AJAP1: variants seen among roughly 807,000 people sequenced by gnomAD.
AJAP1 encodes the protein adherens junction-associated protein 1.
In AJAP1, 5 loss-of-function variants were observed where a neutral mutation model predicts 35.0. The observed-to-expected ratio is 0.14, with a 90% CI of 0.07 to 0.30. The LOEUF (loss-of-function observed/expected upper bound fraction) is 0.30. Among genes scored for constraint, AJAP1 ranks in the 10% least tolerant of loss-of-function variants. The pLI is 1.00. For synonymous variants in AJAP1, 284 were observed against 249.3 expected (o/e 1.14, Z -1.31); for missense variants, 586 against 571.0 (o/e 1.03, Z -0.27).
intron 3 of AJAP1, among the ~76,000 whole-genome samples, chr1:4,771,593 C>T (rs1004520036): frequency 5.9e-5 from 9 of 152,276 alleles, no homozygotes; most frequent in African/African-American, 1.7e-4. Context: ...CTTGCTTCGT[C>T]GAGTCCCTGG....
intron 1 of AJAP1, among the ~76,000 whole-genome samples, chr1:4,671,461 C>T (rs925402099): frequency 2.9e-4 from 44 of 152,134 alleles, no homozygotes; most frequent in Non-Finnish European, 5.4e-4. Flanking sequence ...CTCCCTTTGT[C>T]CCCAGCCCAC....
At chr1:4,706,566 C>G (rs1309930892) in intron 1 of AJAP1, among the ~76,000 whole-genome samples, 1 of 152,162 alleles carries the variant, frequency 6.6e-6, no homozygotes, top group Non-Finnish European at 1.5e-5. Context: ...AAGGTCCTGT[C>G]CCACCCTGAA....
At chr1:4,744,686 A>G (rs413178) in intron 2 of AJAP1, among the ~76,000 whole-genome samples, 98,371 of 151,648 alleles carry the variant, frequency 0.65, 32,756 homozygotes, top group Non-Finnish European at 0.68. Context: ...CTCATGTCTC[A>G]CCATGTGCAC....
chr1:4,779,524 G>A (rs1642019825), intron 5 of AJAP1, among the ~76,000 whole-genome samples: 1 of 152,068 alleles, frequency 6.6e-6, no homozygotes, highest in South Asian at 2.1e-4. Context: ...ATGGTTGGAA[G>A]CTGCTCCTCC....
In AJAP1 at chr1:4,769,951, T is replaced by C. The variant is rs777590121; in HGVS notation, c.917+11T>C. 2 of 1,608,988 alleles carry C rather than the reference T, an allele frequency of 1.2e-6. No individual in the cohort carries two copies. Among genetic ancestry groups the C allele is most frequent in the Non-Finnish European group, 1.7e-6 (2 of 1,175,462 alleles). On this transcript the variant is annotated intron_variant, in intron 3 of 5. Transcript: ENST00000378191. ...TGTCTTAAAAAATTGGTAAGGCTCC[T>C]TGGGCCCTTCTGGCCCAGAAATGGG...
chr1:4,741,043 G>T (rs527383237), intron 2 of AJAP1, among the ~76,000 whole-genome samples: 1 of 152,158 alleles, frequency 6.6e-6, no homozygotes, highest in African/African-American at 2.4e-5. Flanking sequence ...AAGCCTGGGG[G>T]CCATGGCCAC....
At chr1:4,744,250 C>T (rs1193355311) in intron 2 of AJAP1, among the ~76,000 whole-genome samples, 1 of 152,202 alleles carries the variant, frequency 6.6e-6, no homozygotes. Flanking sequence ...GCAGCCGTTC[C>T]TGCTGTTCAG....
rs1410184559 is a variant in AJAP1 at position 4,785,004 on chromosome 1, G to A, written c.*2519G>A. 7 of 152,456 alleles carry A rather than the reference G, an allele frequency of 4.6e-5. No homozygotes were observed. The highest frequency in any genetic ancestry group is 1.7e-4 in the African/African-American group (7 of 41,456). The allele number at this position is 152,456 out of a possible 1,614,324, so 9.4% of individuals were successfully genotyped here. A position where few individuals can be genotyped will look rare whatever the true frequency, so the allele number is the denominator to read the frequency against. The stretch of plus-strand genomic sequence containing the variant: ...GGTCTCTGACATTCTGAGCTCCAGA[G>A]TGAGCCCAACTAAGGAGGAGGTGAC... On this transcript the variant is annotated 3_prime_UTR_variant, in exon 6 of 6. Transcript: ENST00000378191.
chr1:4,772,190 A>G, intron 3 of AJAP1, 90 bp from the exon 4 acceptor site: 2 of 1,550,392 alleles, frequency 1.3e-6, no homozygotes, highest in Non-Finnish European at 1.8e-6. Context: ...TCACGCCTGC[A>G]AGCGAAAGAC....
intron 2 of AJAP1, among the ~76,000 whole-genome samples, chr1:4,719,552 G>GA (rs1231629965): frequency 6.6e-6 from 1 of 152,076 alleles, no homozygotes; most frequent in Non-Finnish European, 1.5e-5. Context: ...CCCATCTCGG[G>GA]GGCGTGTGGT....
intron 2 of AJAP1, among the ~76,000 whole-genome samples, chr1:4,713,545 C>G (rs1159814001): frequency 6.6e-6 from 1 of 152,214 alleles, no homozygotes; most frequent in Non-Finnish European, 1.5e-5. Context: ...CAGGGCTTGT[C>G]CCTGAACTGG....
chr1:4,786,415 G>C lies in AJAP1; in HGVS notation c.*3930G>C, dbSNP rs900496977. ...GCAAACCCCACCCACTCTTTGAATC[G>C]GGACACCAGGAAACCCGTTACTACT... On this transcript the variant is annotated 3_prime_UTR_variant, in exon 6 of 6. Transcript: ENST00000378191. 1.3e-5 allele frequency: 2 copies of C among 152,090 alleles called. No individual in the cohort carries two copies. The highest frequency in any genetic ancestry group is 6.5e-5 in the Admixed American group (1 of 15,270). The allele number at this position is 152,090 out of a possible 1,614,324, so 9.4% of individuals were successfully genotyped here.
chr1:4,780,734 T>C (rs908381659), intron 5 of AJAP1, among the ~76,000 whole-genome samples: 1 of 150,850 alleles, frequency 6.6e-6, no homozygotes, highest in African/African-American at 2.4e-5. Context: ...CGGGTTCAAG[T>C]AATTCTCATG....
intron 1 of AJAP1, among the ~76,000 whole-genome samples, chr1:4,672,241 G>T (rs1024410084): frequency 2.6e-5 from 4 of 152,074 alleles, no homozygotes; most frequent in African/African-American, 9.7e-5. Flanking sequence ...GAAGTTATTG[G>T]ACCCCAAATC....
intron 1 of AJAP1, among the ~76,000 whole-genome samples, chr1:4,689,090 C>T (rs527570115): frequency 3.0e-4 from 46 of 152,144 alleles, no homozygotes; most frequent in East Asian, 9.7e-4. Context: ...CTTTGGGGAC[C>T]GTAGCCTGCG....
intron 1 of AJAP1, among the ~76,000 whole-genome samples, chr1:4,672,858 C>G (rs950305419): frequency 6.6e-6 from 1 of 152,204 alleles, no homozygotes; most frequent in African/African-American, 2.4e-5. Flanking sequence ...CAATTATTCC[C>G]AGTGGGTCCA....
intron 1 of AJAP1, among the ~76,000 whole-genome samples, chr1:4,702,593 C>T (rs900310097): frequency 2.0e-5 from 3 of 152,174 alleles, no homozygotes; most frequent in African/African-American, 2.4e-5. Context: ...TGGGCCAGAC[C>T]GCTGTCATGG....
At chr1:4,724,169 G>T (rs947797587) in intron 2 of AJAP1, among the ~76,000 whole-genome samples, 3 of 152,202 alleles carry the variant, frequency 2.0e-5, no homozygotes, top group Non-Finnish European at 2.9e-5. Context: ...CAGAGGTCAC[G>T]TGTGGTGGCC....
chr1:4,743,534 G>A (rs147121105), intron 2 of AJAP1, among the ~76,000 whole-genome samples: 1,890 of 152,226 alleles, frequency 0.012, 40 homozygotes, highest in African/African-American at 0.043. Flanking sequence ...GTATGTGTCC[G>A]CGTTCATTCA....
Sources: gnomAD v4.1 joint callset for allele counts (sites outside exome capture counted in the v4.1 genomes callset) on GRCh38, gnomAD v4.1.1 for gene constraint, MANE v1.5 for transcripts, NCBI Gene and HGNC (gene_info 2026-07-23, HGNC 2026-07-21) for gene names.